The following SLC35F1 variants were observed in gnomAD, a reference collection of about 807,000 sequenced individuals.
SLC35F1 encodes solute carrier family 35 member F1, also known as chromosome 6 open reading frame 169.
A neutral mutation model predicts 48.7 loss-of-function variants in SLC35F1; 14 were observed. The ratio of observed to expected loss-of-function variants is 0.29; its 90% CI spans 0.19 to 0.45. The LOEUF is 0.45. Among genes scored for constraint, SLC35F1 ranks in the 20% least tolerant of loss-of-function variants. The pLI is 1.00. For synonymous variants in SLC35F1, 190 were observed against 202.2 expected (o/e 0.94, Z 0.51); for missense variants, 404 against 500.0 (o/e 0.81, Z 1.83).
At chr6:118,131,535 T>C (rs1044522708) in intron 1 of SLC35F1, among the ~76,000 whole-genome samples, 4 of 152,128 alleles carry the variant, frequency 2.6e-5, no homozygotes, top group Non-Finnish European at 5.9e-5. Flanking sequence ...TTACTTCCTT[T>C]TAGTAAATTA....
intron 1 of SLC35F1, among the ~76,000 whole-genome samples, chr6:118,031,229 C>A (rs868242469): frequency 1.3e-5 from 2 of 152,178 alleles, no homozygotes; most frequent in East Asian, 3.9e-4. Flanking sequence ...GTTTCTTTAT[C>A]CCTTACATCT....
At chr6:118,278,008 G>T (rs1775938380) in intron 6 of SLC35F1, among the ~76,000 whole-genome samples, 1 of 152,240 alleles carries the variant, frequency 6.6e-6, no homozygotes, top group African/African-American at 2.4e-5. Context: ...AAACCTTTCA[G>T]AAGGGAGCAG....
chr6:117,922,998 C>T (rs1775920026), intron 1 of SLC35F1, among the ~76,000 whole-genome samples: 1 of 152,080 alleles, frequency 6.6e-6, no homozygotes, highest in South Asian at 2.1e-4. Context: ...TGTTCAGGAC[C>T]CTCCACCAAT....
intron 1 of SLC35F1, among the ~76,000 whole-genome samples, chr6:118,011,381 C>T (rs1014895425): frequency 6.6e-5 from 10 of 151,968 alleles, no homozygotes; most frequent in Non-Finnish European, 8.8e-5. Flanking sequence ...ACATGGCTGG[C>T]GGGAGAGAGA....
chr6:118,236,526 C>T (rs541518815), intron 3 of SLC35F1, among the ~76,000 whole-genome samples: 1 of 152,254 alleles, frequency 6.6e-6, no homozygotes, highest in South Asian at 2.1e-4. Context: ...AAACAAGCAG[C>T]AAAGCACTTG....
rs559171397 is a variant in SLC35F1 at position 118,271,349 on chromosome 6, T to C, written c.638-4110T>C. 3.2e-4 allele frequency among the ~76,000 whole-genome samples: 48 copies of C among 152,290 alleles called. No homozygotes were observed. The South Asian group carries it at 8.7e-3, about 28-fold the overall frequency. On this transcript the variant is annotated intron_variant, in intron 4 of 7. Coordinates refer to ENST00000360388, the MANE Select transcript of SLC35F1 (RefSeq NM_001029858.4). ...ACACTTAGTCCTTATTTTTCCATAA[T>C]TGTGACTTCTACAACAAATGTAAAG...
chr6:118,304,444 C>T (rs1402624343), intron 7 of SLC35F1, among the ~76,000 whole-genome samples: 1 of 151,590 alleles, frequency 6.6e-6, no homozygotes, highest in Non-Finnish European at 1.5e-5. Flanking sequence ...TAAACAGGTC[C>T]AAACATGGAG....
At chr6:118,167,323 A>G (rs1024492850) in intron 2 of SLC35F1, among the ~76,000 whole-genome samples, 4 of 152,196 alleles carry the variant, frequency 2.6e-5, no homozygotes, top group Non-Finnish European at 5.9e-5. Flanking sequence ...ATATAGGGAT[A>G]TCTTCTGAGA....
intron 7 of SLC35F1, among the ~76,000 whole-genome samples, chr6:118,291,537 T>G (rs1776123009): frequency 6.6e-6 from 1 of 152,194 alleles, no homozygotes. Flanking sequence ...TTTAAAACAC[T>G]AAAGTTTTAA....
intron 1 of SLC35F1, among the ~76,000 whole-genome samples, chr6:117,935,525 A>G (rs996244893): frequency 6.6e-6 from 1 of 152,234 alleles, no homozygotes; most frequent in Non-Finnish European, 1.5e-5. Flanking sequence ...CACAGTCATC[A>G]GCACTATAAC....
intron 1 of SLC35F1, among the ~76,000 whole-genome samples, chr6:118,108,673 T>C (rs2114378393): frequency 6.6e-6 from 1 of 152,292 alleles, no homozygotes; most frequent in South Asian, 2.1e-4. Flanking sequence ...TGTTGCACAA[T>C]GTTATTGCTA....
chr6:118,156,600 T>A (rs754732783), intron 2 of SLC35F1, among the ~76,000 whole-genome samples: 1 of 151,886 alleles, frequency 6.6e-6, no homozygotes, highest in Non-Finnish European at 1.5e-5. Flanking sequence ...CAAACCAACA[T>A]GGCACATGTA....
chr6:118,130,880 G>T (rs946387801), intron 1 of SLC35F1, among the ~76,000 whole-genome samples: 6 of 152,132 alleles, frequency 3.9e-5, no homozygotes, highest in African/African-American at 1.4e-4. Context: ...AAGGAAGGGA[G>T]AAATGATGTA....
chr6:118,153,560 T>C (rs17079791), intron 1 of SLC35F1, among the ~76,000 whole-genome samples: 4,229 of 152,288 alleles, frequency 0.028, 213 homozygotes, highest in African/African-American at 0.096. Flanking sequence ...CTACTTTGTA[T>C]TTGCAGGGGC....
At chr6:117,924,505 C>CGTA (rs1013905863) in intron 1 of SLC35F1, among the ~76,000 whole-genome samples, 1 of 17,038 alleles carries the variant, frequency 5.9e-5, no homozygotes, top group African/African-American at 1.2e-4. Flanking sequence ...TATGTATATA[C>CGTA]GTATATACAT....
intron 2 of SLC35F1, among the ~76,000 whole-genome samples, chr6:118,213,836 G>A (rs1240471084): frequency 6.6e-6 from 1 of 152,130 alleles, no homozygotes; most frequent in Non-Finnish European, 1.5e-5. Context: ...GGTTTGCAAG[G>A]CAATTCATAA....
At chr6:118,239,469 C>A (rs942629109) in intron 3 of SLC35F1, among the ~76,000 whole-genome samples, 7 of 144,120 alleles carry the variant, frequency 4.9e-5, no homozygotes, top group African/African-American at 1.8e-4. Context: ...TGAGGAGTGA[C>A]TTTCCTGTTT....
At chr6:117,995,592 T>C (rs1215682925) in intron 1 of SLC35F1, among the ~76,000 whole-genome samples, 1 of 151,962 alleles carries the variant, frequency 6.6e-6, no homozygotes. Flanking sequence ...AATACAAAAA[T>C]TAGCTGGGTG....
chr6:118,149,096 A>G (rs1774017828), intron 1 of SLC35F1, among the ~76,000 whole-genome samples: 1 of 152,228 alleles, frequency 6.6e-6, no homozygotes, highest in South Asian at 2.1e-4. Context: ...AGAATAAAAT[A>G]CATTCCCTTC....
Sources: allele counts gnomAD v4.1 joint callset (sites outside exome capture counted in the v4.1 genomes callset), GRCh38; gene constraint gnomAD v4.1.1; transcripts MANE v1.5; gene names NCBI Gene and HGNC (gene_info 2026-07-23, HGNC 2026-07-21).